Variants in LRRIQ1 observed in about 807,000 individuals in gnomAD.
LRRIQ1 encodes leucine-rich repeat- and IQ domain-containing protein 1.
LRRIQ1 carries 210 observed loss-of-function variants against 211.9 expected under a neutral mutation model. That is an observed-to-expected ratio of 0.99 (90% CI 0.89 to 1.11). LRRIQ1 has a LOEUF of 1.11. Ranked by LOEUF, LRRIQ1 falls within the 50% of genes most tolerant of loss-of-function variation. The pLI is 0.00. For missense variants in LRRIQ1, 2,136 were observed against 1,939.5 expected (o/e 1.10, Z -1.90); for synonymous variants, 699 against 650.1 (o/e 1.08, Z -1.14).
intron 24 of LRRIQ1, among the ~76,000 whole-genome samples, chr12:85,207,355 TTGGCCATCATGTGTCC>T (rs1221172323): frequency 6.6e-6 from 1 of 152,192 alleles, no homozygotes; most frequent in Non-Finnish European, 1.5e-5. Context: ...TTTCATATGG[TTGGCCATCATGTGTCC>T]TGAAAAAAAA....
At chr12:85,131,230 T>G (rs898685019) in intron 18 of LRRIQ1, among the ~76,000 whole-genome samples, 3 of 151,308 alleles carry the variant, frequency 2.0e-5, no homozygotes, top group African/African-American at 7.3e-5. Context: ...AAAAAAAAAT[T>G]TCAATGGTAG....
chr12:85,046,087 T>C lies in LRRIQ1; in HGVS notation c.404T>C (p.Val135Ala), dbSNP rs140252116. Residue 135 changes from valine to alanine, a missense_variant, in exon 5 of 27, where the codon GTT becomes GCT. By Grantham distance (64) the Val-to-Ala change is moderately conservative. Transcript: ENST00000393217. ...SKTDCATPDF[V>A]PEPSPHDLPM... ...ACCGATTGTGCCACTCCTGATTTTG[T>C]TCCTGAGCCTAGTCCTCATGACTTG... 6.2e-7 allele frequency: 1 copy of C among 1,612,008 alleles called. No individual in the cohort carries two copies. Among genetic ancestry groups the C allele is most frequent in the African/African-American group, 1.3e-5 (1 of 75,026 alleles).
At chr12:85,233,414 G>T (rs1050636450) in intron 26 of LRRIQ1, among the ~76,000 whole-genome samples, 3 of 152,076 alleles carry the variant, frequency 2.0e-5, no homozygotes, top group Admixed American at 6.6e-5. Context: ...AGTGACAGAA[G>T]TGTGTGGCCT....
At chr12:85,213,489 T>G (rs1893936234) in intron 24 of LRRIQ1, among the ~76,000 whole-genome samples, 1 of 151,954 alleles carries the variant, frequency 6.6e-6, no homozygotes, top group Non-Finnish European at 1.5e-5. Context: ...TTAATAAAAT[T>G]TTCCTAAAAT....
At chr12:85,196,422 A>G (rs1297883072) in intron 24 of LRRIQ1, among the ~76,000 whole-genome samples, 2 of 152,160 alleles carry the variant, frequency 1.3e-5, no homozygotes, top group Non-Finnish European at 2.9e-5. Flanking sequence ...CCTAACTTCA[A>G]ACTATACTAC....
intron 15 of LRRIQ1, among the ~76,000 whole-genome samples, chr12:85,118,315 C>T (rs191753261): frequency 1.1e-4 from 16 of 152,192 alleles, no homozygotes; most frequent in Middle Eastern, 3.4e-3. Context: ...AGCAAAGCGT[C>T]AAGATTTTTA....
intron 24 of LRRIQ1, among the ~76,000 whole-genome samples, chr12:85,174,118 A>G (rs1891563977): frequency 6.6e-6 from 1 of 152,134 alleles, no homozygotes; most frequent in East Asian, 1.9e-4. Context: ...AGTAGCAAGC[A>G]TAATAAAGAT....
At chr12:85,221,711 CTA>C (rs971140122) in intron 24 of LRRIQ1, among the ~76,000 whole-genome samples, 1 of 152,094 alleles carries the variant, frequency 6.6e-6, no homozygotes, top group African/African-American at 2.4e-5. Flanking sequence ...TTTGGGGTAA[CTA>C]CACTATGTCT....
intron 24 of LRRIQ1, among the ~76,000 whole-genome samples, chr12:85,190,314 C>T (rs1244953070): frequency 2.1e-5 from 3 of 141,226 alleles, no homozygotes; most frequent in Non-Finnish European, 4.6e-5. Flanking sequence ...TTAACTGTAA[C>T]TATACAGTTA....
intron 24 of LRRIQ1, among the ~76,000 whole-genome samples, chr12:85,185,846 A>C (rs1017260408): frequency 6.6e-6 from 1 of 152,086 alleles, no homozygotes; most frequent in African/African-American, 2.4e-5. Context: ...ACTATTTATA[A>C]ATTTTGTGTA....
At chr12:85,093,659 C>A (rs560321212) in intron 11 of LRRIQ1, among the ~76,000 whole-genome samples, 1 of 152,280 alleles carries the variant, frequency 6.6e-6, no homozygotes, top group South Asian at 2.1e-4. Context: ...TGACATATGA[C>A]ACCTCAACAA....
At chr12:85,115,695 G>T (rs1398174134) in intron 15 of LRRIQ1, among the ~76,000 whole-genome samples, 6 of 151,970 alleles carry the variant, frequency 3.9e-5, no homozygotes, top group Non-Finnish European at 8.8e-5. Context: ...TTTGTTCCTT[G>T]CTGATCTGGT....
chr12:85,173,375 C>A (rs1891513280), intron 24 of LRRIQ1, among the ~76,000 whole-genome samples: 2 of 152,130 alleles, frequency 1.3e-5, no homozygotes, highest in African/African-American at 4.8e-5. Context: ...TATATGTGTC[C>A]TAGTGAGCTC....
chr12:85,219,910 C>T (rs920638056), intron 24 of LRRIQ1, among the ~76,000 whole-genome samples: 1 of 152,064 alleles, frequency 6.6e-6, no homozygotes, highest in Non-Finnish European at 1.5e-5. Flanking sequence ...CATAAACAGC[C>T]TATCAACAAG....
At position 85,081,637 on chromosome 12, in the gene LRRIQ1, G is replaced by A. The variant is rs182518979; in HGVS notation, c.2887+8539G>A. 2.0e-3 allele frequency among the ~76,000 whole-genome samples: 296 copies of A among 151,380 alleles called. 1 individual carries two copies. Among genetic ancestry groups the A allele is most frequent in the African/African-American group, 6.8e-3 (281 of 41,304 alleles). ...TTTAAATGTATTTTTATTTAACTCCGCAAGGAAAACATAATGATTATTTTT... is the reference window on the plus strand; with the variant it reads ...TTTAAATGTATTTTTATTTAACTCCACAAGGAAAACATAATGATTATTTTT... On this transcript the variant is annotated intron_variant, in intron 11 of 26. Coordinates refer to ENST00000393217, the MANE Select transcript of LRRIQ1 (RefSeq NM_001079910.2).
intron 1 of LRRIQ1, among the ~76,000 whole-genome samples, chr12:85,257,102 TA>T (rs1206980451): frequency 8.8e-6 from 1 of 113,234 alleles, no homozygotes; most frequent in Non-Finnish European, 1.8e-5. Context: ...TATAATTATA[TA>T]AATATATATA....
chr12:85,113,907 TTGTGTGTGTG>T (rs71076112), intron 15 of LRRIQ1, among the ~76,000 whole-genome samples: 395 of 140,964 alleles, frequency 2.8e-3, no homozygotes, highest in African/African-American at 9.9e-3. Context: ...CAAATGAGTT[TTGTGTGTGTG>T]TGTGTGTGTG....
Position 85,088,544 on chromosome 12 carries a change from C to A in LRRIQ1, c.2888-9811C>A, listed in dbSNP as rs143141133. ...CTATAAATTACCTTGGGCAGTATGG[C>A]CATTTTCATGATGTTGATTCTTCCT... On this transcript the variant is annotated intron_variant, in intron 11 of 26. Coordinates refer to ENST00000393217, the MANE Select transcript of LRRIQ1 (RefSeq NM_001079910.2). Among the ~76,000 whole-genome samples, 895 of 152,216 alleles carry A rather than the reference C, an allele frequency of 5.9e-3. 14 individuals are homozygous for A. Among genetic ancestry groups the A allele is most frequent in the African/African-American group, 0.02 (844 of 41,540 alleles).
chr12:85,234,596 T>C (rs186998236), intron 26 of LRRIQ1, among the ~76,000 whole-genome samples: 4 of 152,182 alleles, frequency 2.6e-5, no homozygotes, highest in Admixed American at 2.0e-4. Flanking sequence ...AGAAGAGTAT[T>C]GGAGAATGAA....
Sources: allele counts gnomAD v4.1 joint callset (sites outside exome capture counted in the v4.1 genomes callset), GRCh38; gene constraint gnomAD v4.1.1; transcripts MANE v1.5; gene names NCBI Gene and HGNC (gene_info 2026-07-23, HGNC 2026-07-21).